Variants in NME7 observed in about 807,000 individuals in gnomAD.
NME7 encodes NME/NM23 family member 7.
Under a neutral mutation model 49.1 loss-of-function variants are expected in NME7, and 41 were observed. That is an observed-to-expected ratio of 0.83 (90% CI 0.65 to 1.08). The LOEUF is 1.08. Ranked by LOEUF, NME7 falls within the 50% of genes least tolerant of loss-of-function variation. NME7 has a pLI of 0.00. For missense variants in NME7, 423 were observed against 463.4 expected (o/e 0.91, Z 0.80); for synonymous variants, 139 against 150.6 (o/e 0.92, Z 0.56).
At chr1:169,201,762 A>C (rs559930279) in intron 10 of NME7, among the ~76,000 whole-genome samples, 1 of 152,308 alleles carries the variant, frequency 6.6e-6, no homozygotes, top group East Asian at 1.9e-4. Context: ...AGAGATACTA[A>C]TAGCCAGTTA....
rs149503830 is a variant in NME7 at position 169,335,996 on chromosome 1, C to T, written c.4-11496G>A. Among the ~76,000 whole-genome samples the T allele has an allele frequency of 3.8e-4, 58 of 151,996 alleles. No homozygotes were observed. The South Asian group carries it at 6.4e-3, about 17-fold the overall frequency. ...CTTCAAGAATGAAGCCGTGGACCCT[C>T]GCAGTGAGTGTTACAGCTCTTAAGG... On this transcript the variant is annotated intron_variant, in intron 1 of 11. Transcript: ENST00000367811.
At chr1:169,182,700 C>A (rs865953039) in intron 10 of NME7, among the ~76,000 whole-genome samples, 3 of 152,094 alleles carry the variant, frequency 2.0e-5, no homozygotes, top group Non-Finnish European at 2.9e-5. Flanking sequence ...GGACTACAAC[C>A]TTTTTATATC....
At chr1:169,207,689 G>C (rs1425018825) in intron 10 of NME7, among the ~76,000 whole-genome samples, 2 of 152,094 alleles carry the variant, frequency 1.3e-5, no homozygotes, top group Non-Finnish European at 2.9e-5. Context: ...GTATCAGTAT[G>C]AATAAGCTTT....
intron 10 of NME7, among the ~76,000 whole-genome samples, chr1:169,224,443 G>A (rs1661240835): frequency 1.3e-5 from 2 of 152,030 alleles, no homozygotes; most frequent in South Asian, 4.2e-4. Flanking sequence ...CTGTCTTCAG[G>A]TGTGGATGCT....
intron 4 of NME7, among the ~76,000 whole-genome samples, chr1:169,309,300 A>G (rs1310817306): frequency 6.6e-6 from 1 of 152,188 alleles, no homozygotes; most frequent in African/African-American, 2.4e-5. Context: ...TTTAAGAAAC[A>G]GGACTTCTGC....
At chr1:169,199,447 TTTTTTATTATTA>T (rs1369662709) in intron 10 of NME7, among the ~76,000 whole-genome samples, 1,418 of 86,150 alleles carry the variant, frequency 0.016, 25 homozygotes, top group African/African-American at 0.047. Context: ...ACCCAGGGTC[TTTTTTATTATTA>T]TTATTATTAT....
intron 10 of NME7, among the ~76,000 whole-genome samples, chr1:169,216,318 G>A (rs1660972478): frequency 6.6e-6 from 1 of 152,174 alleles, no homozygotes; most frequent in Admixed American, 6.5e-5. Context: ...AGAAGCTGAA[G>A]GTTAAAGCCA....
intron 10 of NME7, among the ~76,000 whole-genome samples, chr1:169,183,832 A>G (rs904505163): frequency 1.3e-5 from 2 of 152,068 alleles, no homozygotes; most frequent in African/African-American, 2.4e-5. Flanking sequence ...GAAAAGCCCT[A>G]TGTGTACAGA....
At chr1:169,187,373 G>A (rs1203742730) in intron 10 of NME7, among the ~76,000 whole-genome samples, 1 of 151,950 alleles carries the variant, frequency 6.6e-6, no homozygotes, top group African/African-American at 2.4e-5. Flanking sequence ...TTATTGTGTG[G>A]GAGTCTAAGT....
intron 10 of NME7, chr1:169,190,639 T>A: frequency 2.3e-6 from 1 of 437,200 alleles, no homozygotes; most frequent in Non-Finnish European, 4.6e-6. Context: ...ATTTTAATAC[T>A]CACGGAACAG....
chr1:169,354,967 A>AT lies in NME7; in HGVS notation c.3+12740dup, dbSNP rs564761879. On this transcript the variant is annotated intron_variant, in intron 1 of 11. Transcript: ENST00000367811. Reference sequence around the variant, plus strand: ...TATATATTATATATGTTTATATATAATATAATTATATATGTTTATATATAA... The same window carrying AT: ...TATATATTATATATGTTTATATATAATTATAATTATATATGTTTATATATAA... Among the ~76,000 whole-genome samples the AT allele has an allele frequency of 1.0e-3, 38 of 37,702 alleles. 2 individuals are homozygous for AT. Among genetic ancestry groups the AT allele is most frequent in the African/African-American group, 2.2e-3 (31 of 13,990 alleles). 24.7% of individuals were successfully genotyped at this position (37,702 alleles called of 152,430 possible).
intron 1 of NME7, among the ~76,000 whole-genome samples, chr1:169,336,427 T>C (rs1475156595): frequency 6.6e-6 from 1 of 152,168 alleles, no homozygotes; most frequent in East Asian, 1.9e-4. Context: ...CCGAGTGGCC[T>C]GTTTTGTCAG....
chr1:169,311,604 T>C (rs1368485478), intron 3 of NME7, among the ~76,000 whole-genome samples: 1 of 152,152 alleles, frequency 6.6e-6, no homozygotes, highest in African/African-American at 2.4e-5. Context: ...ATTGTCTGGC[T>C]TCATTGAAAA....
At chr1:169,162,786 C>G (rs1047814151) in intron 11 of NME7, among the ~76,000 whole-genome samples, 28 of 152,100 alleles carry the variant, frequency 1.8e-4, no homozygotes, top group African/African-American at 6.5e-4. Context: ...CTGCAGTGAG[C>G]CATGATCACG....
chr1:169,298,569 G>A lies in NME7; in HGVS notation c.635C>T (p.Ala212Val), dbSNP rs1571367239. Residue 212 changes from alanine (A) to valine (V), a missense_variant, in exon 6 of 12, where the codon GCT becomes GTT. Ala to Val is a moderately conservative substitution (Grantham distance 64, BLOSUM62 0). Transcript: ENST00000367811. ...AAAACACCTTACTCTGGCCGCAGAA[G>A]CAAAAGAATCAGGGCCATGCGCTGC... ...RNAAHGPDSF[A>V]SAAREMELFF... 1 of 1,613,720 alleles carries A rather than the reference G, an allele frequency of 6.2e-7. No homozygotes were observed. Among genetic ancestry groups the A allele is most frequent in the Non-Finnish European group, 8.5e-7 (1 of 1,179,794 alleles).
At chr1:169,300,376 C>G (rs1650891232) in intron 5 of NME7, among the ~76,000 whole-genome samples, 1 of 152,060 alleles carries the variant, frequency 6.6e-6, no homozygotes, top group African/African-American at 2.4e-5. Context: ...TTCTTACATA[C>G]AAATTTTTTT....
intron 10 of NME7, among the ~76,000 whole-genome samples, chr1:169,226,804 C>T (rs1647358908): frequency 6.6e-6 from 1 of 152,080 alleles, no homozygotes; most frequent in Non-Finnish European, 1.5e-5. Context: ...CTAAAGATAA[C>T]CACTGTTAAC....
At chr1:169,302,665 G>A (rs151236400) in intron 5 of NME7, among the ~76,000 whole-genome samples, 3 of 151,972 alleles carry the variant, frequency 2.0e-5, no homozygotes, top group African/African-American at 4.8e-5. Flanking sequence ...TGGGTATTAC[G>A]CTCAGTACCT....
chr1:169,180,594 T>C (rs1467803920), intron 10 of NME7, among the ~76,000 whole-genome samples: 1 of 152,192 alleles, frequency 6.6e-6, no homozygotes, highest in Non-Finnish European at 1.5e-5. Context: ...GGTGAGCATT[T>C]TTTGAAACCA....
Sources: allele counts gnomAD v4.1 joint callset (sites outside exome capture counted in the v4.1 genomes callset), GRCh38; gene constraint gnomAD v4.1.1; transcripts MANE v1.5; gene names NCBI Gene and HGNC (gene_info 2026-07-23, HGNC 2026-07-21).